The following PRPSAP2 variants were observed in gnomAD, a reference collection of about 807,000 sequenced individuals.
PRPSAP2 encodes phosphoribosyl pyrophosphate synthase-associated protein 2.
A neutral mutation model predicts 40.6 loss-of-function variants in PRPSAP2; 24 were observed. The observed-to-expected ratio is 0.59, with a 90% CI of 0.43 to 0.83. The LOEUF is 0.83. PRPSAP2 is among the 40% of genes least tolerant of loss of function. The probability of loss-of-function intolerance (pLI) is 0.00; values close to 1 mark genes in which losing one functional copy is unlikely to be tolerated. For synonymous variants in PRPSAP2, 149 were observed against 164.7 expected (o/e 0.90, Z 0.73); for missense variants, 292 against 465.6 (o/e 0.63, Z 3.43).
At chr17:18,886,018 T>C (rs2039117424) in intron 7 of PRPSAP2, among the ~76,000 whole-genome samples, 1 of 152,192 alleles carries the variant, frequency 6.6e-6, no homozygotes, top group South Asian at 2.1e-4. Context: ...CTACTACACC[T>C]GGCCTGTATT....
chr17:18,910,860 G>A (rs1341658287), intron 8 of PRPSAP2, among the ~76,000 whole-genome samples: 4 of 152,180 alleles, frequency 2.6e-5, no homozygotes, highest in Admixed American at 6.5e-5. Context: ...CCCGGCCAGT[G>A]GCTTGCAGAC....
At chr17:18,863,982 G>A (rs1014880278) in intron 1 of PRPSAP2, among the ~76,000 whole-genome samples, 1 of 151,620 alleles carries the variant, frequency 6.6e-6, no homozygotes, top group African/African-American at 2.4e-5. Context: ...TGGGATTACA[G>A]GCATGTACCA....
intron 8 of PRPSAP2, among the ~76,000 whole-genome samples, chr17:18,895,662 G>T (rs574860002): frequency 1.3e-5 from 2 of 151,562 alleles, no homozygotes; most frequent in South Asian, 4.2e-4. Context: ...GTCTTGCTCT[G>T]TTGCCCAGGC....
chr17:18,891,082 G>A (rs1000259779), intron 8 of PRPSAP2, among the ~76,000 whole-genome samples: 1 of 152,158 alleles, frequency 6.6e-6, no homozygotes, highest in Non-Finnish European at 1.5e-5. Context: ...TCCTAAAAAA[G>A]CCCTTTTAAA....
At chr17:18,878,905 C>T (rs1463737005) in intron 6 of PRPSAP2, among the ~76,000 whole-genome samples, 15 of 144,164 alleles carry the variant, frequency 1.0e-4, no homozygotes, top group South Asian at 4.5e-4. Flanking sequence ...AGTCTTGCTC[C>T]GTTGCCCAGG....
chr17:18,879,245 A>T (rs1423264857), intron 6 of PRPSAP2, among the ~76,000 whole-genome samples: 1 of 151,602 alleles, frequency 6.6e-6, no homozygotes, highest in Non-Finnish European at 1.5e-5. Context: ...TCCCCATATC[A>T]CTGCATTTTA....
intron 9 of PRPSAP2, chr17:18,917,605 T>TAA (rs1272083524): frequency 3.5e-5 from 4 of 115,150 alleles, no homozygotes; most frequent in South Asian, 3.1e-4. Context: ...TTTTTTTTTT[T>TAA]TTTTTTTTTT....
chr17:18,916,376 ATTT>A (rs1160254744), intron 9 of PRPSAP2, among the ~76,000 whole-genome samples: 3 of 137,710 alleles, frequency 2.2e-5, no homozygotes, highest in Non-Finnish European at 1.6e-5. Context: ...TAGACTTGGT[ATTT>A]TTTTTTTTTT....
At chr17:18,920,951 G>A (rs1407839543) in intron 9 of PRPSAP2, among the ~76,000 whole-genome samples, 3 of 151,916 alleles carry the variant, frequency 2.0e-5, no homozygotes, top group Admixed American at 1.3e-4. Flanking sequence ...GCTGCCCGAC[G>A]TGTCATCTCA....
chr17:18,882,058 G>A (rs943770606), intron 6 of PRPSAP2, among the ~76,000 whole-genome samples: 1 of 143,866 alleles, frequency 7.0e-6, no homozygotes, highest in African/African-American at 2.6e-5. Flanking sequence ...TCAGGCTGGC[G>A]TTGAACTCCT....
At chr17:18,860,544 A>T (rs1302164446) in intron 1 of PRPSAP2, 2 of 152,196 alleles carry the variant, frequency 1.3e-5, no homozygotes, top group African/African-American at 4.8e-5. Context: ...TTAAATTCTG[A>T]TGGGGAAATC....
upstream of PRPSAP2, chr17:18,857,672 A>C: frequency 6.6e-6 from 1 of 151,598 alleles, no homozygotes; most frequent in Non-Finnish European, 1.5e-5. Flanking sequence ...CGCCCGCCTC[A>C]GCCTCGCAAA....
At chr17:18,918,004 G>T (rs1271803920) in intron 9 of PRPSAP2, among the ~76,000 whole-genome samples, 1 of 152,034 alleles carries the variant, frequency 6.6e-6, no homozygotes, top group East Asian at 1.9e-4. Flanking sequence ...TAATTTTTAG[G>T]TCACAGAGGT....
intron 8 of PRPSAP2, among the ~76,000 whole-genome samples, 186 bp downstream of exon 8, chr17:18,890,063 C>T (rs1597622722): frequency 6.6e-6 from 1 of 151,958 alleles, no homozygotes; most frequent in East Asian, 1.9e-4. Context: ...AATTTCCTCT[C>T]TTTTTTTTCC....
intron 4 of PRPSAP2, among the ~76,000 whole-genome samples, chr17:18,869,606 G>T (rs1221949705): frequency 6.6e-6 from 1 of 150,892 alleles, no homozygotes; most frequent in Non-Finnish European, 1.5e-5. Context: ...AGGTTCGAGT[G>T]ATTCTCGTGC....
chr17:18,929,358 A>AAATAAT (rs60559123), intron 11 of PRPSAP2, among the ~76,000 whole-genome samples: 6,028 of 144,698 alleles, frequency 0.042, 227 homozygotes, highest in East Asian at 0.11. Flanking sequence ...CTCTTGTCTC[A>AAATAAT]AATAATAATA....
intron 8 of PRPSAP2, among the ~76,000 whole-genome samples, chr17:18,892,969 G>T (rs1004794917): frequency 2.6e-5 from 4 of 151,676 alleles, no homozygotes; most frequent in African/African-American, 9.7e-5. Context: ...CACACCCTTT[G>T]CCCATTTAAT....
chr17:18,859,004 G>A (rs144354096), intron 1 of PRPSAP2, among the ~76,000 whole-genome samples: 1 of 152,036 alleles, frequency 6.6e-6, no homozygotes, highest in African/African-American at 2.4e-5. Context: ...GTTGTGATTT[G>A]AGCTCGTTCC....
intron 8 of PRPSAP2, among the ~76,000 whole-genome samples, chr17:18,890,664 G>GT (rs765903120): frequency 3.3e-4 from 50 of 152,166 alleles, no homozygotes; most frequent in Non-Finnish European, 5.1e-4. Context: ...ACGATCTAGT[G>GT]TTTTCCCCAG....
Sources: gnomAD v4.1 joint callset for allele counts (sites outside exome capture counted in the v4.1 genomes callset) on GRCh38, gnomAD v4.1.1 for gene constraint, MANE v1.5 for transcripts, NCBI Gene and HGNC (gene_info 2026-07-23, HGNC 2026-07-21) for gene names.